Variants in NFIB observed in about 807,000 individuals in gnomAD.
NFIB encodes the protein nuclear factor 1 B-type.
In NFIB, 11 loss-of-function variants were observed where a neutral mutation model predicts 61.5. The ratio of observed to expected loss-of-function variants is 0.18; its 90% CI spans 0.11 to 0.30. The LOEUF (loss-of-function observed/expected upper bound fraction) is 0.30, where lower values mean the gene tolerates loss of function less well. NFIB is among the 10% of genes least tolerant of loss of function. The probability of loss-of-function intolerance (pLI) is 1.00; values close to 1 mark genes in which losing one functional copy is unlikely to be tolerated. For synonymous variants in NFIB, 260 were observed against 216.5 expected, an observed-to-expected ratio of 1.20 and a Z score of -1.76; for missense variants, 471 against 608.9, an observed-to-expected ratio of 0.77 and a Z score of 2.38.
chr9:14,098,959 G>A (rs1316574143), intron 10 of NFIB, among the ~76,000 whole-genome samples: 1 of 152,208 alleles, frequency 6.6e-6, no homozygotes, highest in African/African-American at 2.4e-5. Flanking sequence ...GGGGTTGCGG[G>A]TGGATGGAGG....
the NFIB span, among the ~76,000 whole-genome samples, chr9:14,530,016 T>C: frequency 6.6e-6 from 1 of 152,204 alleles, no homozygotes; most frequent in Admixed American, 6.5e-5. Flanking sequence ...ATATTAATAG[T>C]GATTGGCTTA....
the NFIB span, among the ~76,000 whole-genome samples, chr9:14,499,060 GTGTGTGGGTGTGTGTGTT>G: frequency 1.3e-5 from 2 of 151,836 alleles, no homozygotes; most frequent in South Asian, 4.2e-4. Context: ...GTGTGTGTGC[GTGTGTGGGTGTGTGTGTT>G]TGTGTGTGTG....
chr9:14,300,302 T>C (rs1013222432), intron 2 of NFIB: 7 of 397,984 alleles, frequency 1.8e-5, no homozygotes, highest in African/African-American at 1.4e-4. Flanking sequence ...CACTAGTCCT[T>C]GAGATTTCTA....
At chr9:14,143,487 A>G (rs918074705) in intron 6 of NFIB, among the ~76,000 whole-genome samples, 3 of 152,164 alleles carry the variant, frequency 2.0e-5, no homozygotes, top group African/African-American at 7.2e-5. Context: ...TAATAAATCA[A>G]TTTTGCTAAG....
At position 14,379,875 on chromosome 9, in the gene NFIB, G is replaced by C. The variant is rs554146583; in HGVS notation, c.108+18649C>G. Among the ~76,000 whole-genome samples the C allele has an allele frequency of 4.1e-4, 62 of 152,032 alleles. 1 individual carries two copies. Among genetic ancestry groups the C allele is most frequent in the Admixed American group, 1.2e-3 (18 of 15,268 alleles). ...TTTTTGTATTTTTAGTAGAGACGGGGTTTCACCATGTTGGCCAGGCTGGTC... is the reference window on the plus strand; with the variant it reads ...TTTTTGTATTTTTAGTAGAGACGGGCTTTCACCATGTTGGCCAGGCTGGTC... On this transcript the variant is annotated intron_variant, in intron 1 of 8. Coordinates refer to the NFIB transcript ENST00000380934.
At chr9:14,272,163 G>C (rs371886264) in intron 2 of NFIB, among the ~76,000 whole-genome samples, 15 of 151,920 alleles carry the variant, frequency 9.9e-5, no homozygotes, top group Admixed American at 8.5e-4. Flanking sequence ...TATACGTTTT[G>C]AACAAACTTA....
the NFIB span, among the ~76,000 whole-genome samples, chr9:14,426,595 T>C: frequency 6.6e-6 from 1 of 152,170 alleles, no homozygotes; most frequent in Non-Finnish European, 1.5e-5. Context: ...TTTCCCAATG[T>C]TTGTAAGTCT....
In NFIB at chr9:14,179,744, G is replaced by A. The variant is rs1046141319; in HGVS notation, c.599C>T (p.Pro200Leu). 18 of 1,613,446 alleles carry A rather than the reference G, an allele frequency of 1.1e-5. No individual in the cohort carries two copies. Among genetic ancestry groups the A allele is most frequent in the Non-Finnish European group, 1.5e-5 (18 of 1,179,698 alleles). ...GQSGSPSHND[P>L]AKNPPGYLED... ...ATATTTACCTGGAGGATTCTTGGCA[G>A]GATCATTGTGGCTTGGACTTCCTGA... The change falls in exon 3 of 11, where the codon CCT becomes CTT. Residue 200 changes from proline (P) to leucine (L), a missense_variant. By Grantham distance (98) the Pro-to-Leu change is moderately conservative (BLOSUM62 -3). Coordinates refer to ENST00000380953, the MANE Select transcript of NFIB (RefSeq NM_001190737.2).
chr9:14,318,347 C>T (rs1019938645), upstream of NFIB, among the ~76,000 whole-genome samples: 2 of 152,156 alleles, frequency 1.3e-5, no homozygotes, highest in African/African-American at 4.8e-5. Context: ...CACTACGGAT[C>T]TCCAGAGAGG....
chr9:14,432,433 G>A, the NFIB span, among the ~76,000 whole-genome samples: 1 of 152,214 alleles, frequency 6.6e-6, no homozygotes. Context: ...ATCAGTACAT[G>A]TTGTTTCTTT....
At chr9:14,381,513 A>C (rs1312013281) in intron 1 of NFIB, among the ~76,000 whole-genome samples, 1 of 152,194 alleles carries the variant, frequency 6.6e-6, no homozygotes, top group Non-Finnish European at 1.5e-5. Flanking sequence ...CTAAACTGTA[A>C]CGATTTTTTA....
At chr9:14,509,376 T>C in the NFIB span, among the ~76,000 whole-genome samples, 1 of 152,240 alleles carries the variant, frequency 6.6e-6, no homozygotes, top group Non-Finnish European at 1.5e-5. Context: ...ATTAGTTCCT[T>C]AAGTTCTGTC....
chr9:14,325,531 T>G (rs952702356), intron 1 of NFIB, among the ~76,000 whole-genome samples: 1 of 152,188 alleles, frequency 6.6e-6, no homozygotes, highest in Non-Finnish European at 1.5e-5. Context: ...ATGCTTTATA[T>G]CATAATTGAA....
chr9:14,511,808 AAT>A, the NFIB span, among the ~76,000 whole-genome samples: 7 of 152,168 alleles, frequency 4.6e-5, no homozygotes, highest in African/African-American at 1.4e-4. Context: ...ATACATTTAT[AAT>A]ATGTTTTGAT....
At chr9:14,155,617 AT>A (rs2043303246) in intron 4 of NFIB, among the ~76,000 whole-genome samples, 1 of 152,178 alleles carries the variant, frequency 6.6e-6, no homozygotes, top group Non-Finnish European at 1.5e-5. Context: ...CCCCAAAATT[AT>A]TTTTGTACAA....
At chr9:14,510,186 G>A in the NFIB span, among the ~76,000 whole-genome samples, 1 of 152,194 alleles carries the variant, frequency 6.6e-6, no homozygotes, top group Non-Finnish European at 1.5e-5. Flanking sequence ...GTGAGCCACC[G>A]TGCCCGGCCT....
the NFIB span, among the ~76,000 whole-genome samples, chr9:14,409,759 T>C: frequency 2.6e-5 from 4 of 152,202 alleles, no homozygotes; most frequent in African/African-American, 9.6e-5. Flanking sequence ...AAAGAACTTA[T>C]ATCTCAAGAA....
the NFIB span, among the ~76,000 whole-genome samples, chr9:14,492,159 C>G: frequency 7.8e-4 from 119 of 152,058 alleles, no homozygotes; most frequent in African/African-American, 2.7e-3. Flanking sequence ...GTCAGGAGAT[C>G]GAGACCATCC....
At chr9:14,456,747 A>G in the NFIB span, among the ~76,000 whole-genome samples, 1 of 152,164 alleles carries the variant, frequency 6.6e-6, no homozygotes, top group Non-Finnish European at 1.5e-5. Context: ...TAGGGGTACA[A>G]ATTGCTAAGT....
Sources: allele counts gnomAD v4.1 joint callset (sites outside exome capture counted in the v4.1 genomes callset), GRCh38; gene constraint gnomAD v4.1.1; transcripts MANE v1.5; gene names NCBI Gene and HGNC (gene_info 2026-07-23, HGNC 2026-07-21).